The following GM2A variants were observed in gnomAD, a reference collection of about 807,000 sequenced individuals.
The protein encoded by GM2A is ganglioside GM2 activator.
A neutral mutation model predicts 12.9 loss-of-function variants in GM2A; 7 were observed. The ratio of observed to expected loss-of-function variants is 0.54; its 90% CI spans 0.31 to 1.02. The LOEUF (loss-of-function observed/expected upper bound fraction) is 1.02, where lower values mean the gene tolerates loss of function less well. GM2A is among the 50% of genes least tolerant of loss of function. GM2A has a pLI of 0.05. For missense variants in GM2A, 246 were observed against 241.0 expected, an observed-to-expected ratio of 1.02 and a Z score of -0.14; for synonymous variants, 101 against 96.0, an observed-to-expected ratio of 1.05 and a Z score of -0.30.
chr5:151,257,609 G>T (rs1257114699), intron 1 of GM2A, among the ~76,000 whole-genome samples: 2 of 152,098 alleles, frequency 1.3e-5, no homozygotes, highest in Non-Finnish European at 2.9e-5. Flanking sequence ...TCCTTCAGTG[G>T]GGTTCCACTG....
chr5:151,269,028 A>T lies in GM2A; in HGVS notation c.*1577A>T, dbSNP rs896722834. ...ACAAGGCTGCCTGCCTCAGTCTTGGAGTCCTGTTGGGTGAATGAGGCAGAT... is the reference window on the plus strand; with the variant it reads ...ACAAGGCTGCCTGCCTCAGTCTTGGTGTCCTGTTGGGTGAATGAGGCAGAT... On this transcript the variant is annotated 3_prime_UTR_variant, in exon 4 of 4. Coordinates refer to ENST00000357164, the MANE Select transcript of GM2A (RefSeq NM_000405.5). 1 of 985,354 alleles carries T rather than the reference A, an allele frequency of 1.0e-6. No homozygotes were observed. Among genetic ancestry groups the T allele is most frequent in the African/African-American group, 1.7e-5 (1 of 57,236 alleles). The allele number at this position is 985,354 out of a possible 1,614,324, so 61.0% of individuals were successfully genotyped here.
intron 2 of GM2A, among the ~76,000 whole-genome samples, chr5:151,262,169 A>C (rs1753810284): frequency 6.6e-6 from 1 of 152,236 alleles, no homozygotes; most frequent in Admixed American, 6.5e-5. Flanking sequence ...TTTCTTAGAA[A>C]ACAATGAAGA....
At chr5:151,266,002 C>T (rs563014348) in intron 2 of GM2A, among the ~76,000 whole-genome samples, 1 of 152,294 alleles carries the variant, frequency 6.6e-6, no homozygotes, top group African/African-American at 2.4e-5. Context: ...ATTTTGGTAA[C>T]CAGCTCATCA....
chr5:151,262,020 C>T (rs915502995), intron 2 of GM2A, among the ~76,000 whole-genome samples: 24 of 152,286 alleles, frequency 1.6e-4, no homozygotes, highest in South Asian at 8.3e-4. Context: ...CAAAGTGCCT[C>T]CCAATGTTTG....
intron 2 of GM2A, among the ~76,000 whole-genome samples, chr5:151,265,114 G>A (rs368066683): frequency 9.9e-5 from 15 of 152,136 alleles, no homozygotes; most frequent in African/African-American, 3.4e-4. Flanking sequence ...AGGCAGCGGG[G>A]TAGAAGCAGG....
chr5:151,267,277 T>C lies in GM2A; in HGVS notation c.427-19T>C. ...TCAGTAGGCTCCCACTGACTGGCGG[T>C]CCACTGGCTTTCCCGCAGGGAACCT... On this transcript the variant is annotated intron_variant, in intron 3 of 3. Coordinates refer to ENST00000357164, the MANE Select transcript of GM2A (RefSeq NM_000405.5). 7 of 1,614,132 alleles carry C rather than the reference T, an allele frequency of 4.3e-6. No homozygotes were observed. Among genetic ancestry groups the C allele is most frequent in the Non-Finnish European group, 5.9e-6 (7 of 1,179,990 alleles).
At chr5:151,253,387 C>G in intron 1 of GM2A, 90 bp downstream of exon 1, 1 of 873,100 alleles carries the variant, frequency 1.1e-6, no homozygotes, top group Non-Finnish European at 1.9e-6. Flanking sequence ...GGTGGCCACT[C>G]CGTTCTCTAG....
At chr5:151,262,267 C>T (rs1490950642) in intron 2 of GM2A, among the ~76,000 whole-genome samples, 2 of 152,170 alleles carry the variant, frequency 1.3e-5, no homozygotes, top group African/African-American at 4.8e-5. Flanking sequence ...TCCTCTATGC[C>T]CTTCAGTCTG....
chr5:151,268,120 G>A lies in GM2A; in HGVS notation c.*669G>A, dbSNP rs140405440. 1.1e-5 allele frequency: 11 copies of A among 986,210 alleles called. No individual in the cohort carries two copies. Among genetic ancestry groups the A allele is most frequent in the East Asian group, 2.3e-4 (2 of 8,792 alleles). The allele number at this position is 986,210 out of a possible 1,614,324, so 61.1% of individuals were successfully genotyped here. ...GAGACTTAAATGACTGATAAGAACC[G>A]TGAGAAACATGTTGCTTCCAGGCTT... On this transcript the variant is annotated 3_prime_UTR_variant, in exon 4 of 4. Coordinates refer to ENST00000357164, the MANE Select transcript of GM2A (RefSeq NM_000405.5).
At chr5:151,265,595 A>T (rs1422819390) in intron 2 of GM2A, among the ~76,000 whole-genome samples, 2 of 152,342 alleles carry the variant, frequency 1.3e-5, no homozygotes, top group East Asian at 1.9e-4. Context: ...GGTGATGGAC[A>T]TGGTTCTAAA....
intron 2 of GM2A, among the ~76,000 whole-genome samples, chr5:151,265,490 G>C (rs947831471): frequency 2.0e-5 from 3 of 152,200 alleles, no homozygotes; most frequent in Non-Finnish European, 1.5e-5. Context: ...CTAAAAATGT[G>C]ATTTCCTGCC....
At position 151,260,321 on chromosome 5, in the gene GM2A, AAAAT is replaced by A. The variant is rs573035465; in HGVS notation, c.243+413_243+416del. Reference sequence around the variant, plus strand: ...CACTTTAGAAAACACAAGTGGTCAAAAAATAAATAAAATAGGCCAGGTGTGGTGG... The same window carrying A: ...CACTTTAGAAAACACAAGTGGTCAAAAAATAAAATAGGCCAGGTGTGGTGG... On this transcript the variant is annotated intron_variant, in intron 2 of 3. Coordinates refer to ENST00000357164, the MANE Select transcript of GM2A (RefSeq NM_000405.5). Among the ~76,000 whole-genome samples the A allele has an allele frequency of 5.3e-5, 8 of 151,328 alleles. No individual in the cohort carries two copies. The South Asian group carries it at 1.0e-3, about 20-fold the overall frequency.
Position 151,253,239 on chromosome 5 carries a change from C to T in GM2A, c.23C>T (p.Pro8Leu), listed in dbSNP as rs1314350384. 1.9e-6 allele frequency: 3 copies of T among 1,613,938 alleles called. No homozygotes were observed. Among genetic ancestry groups the T allele is most frequent in the Non-Finnish European group, 2.5e-6 (3 of 1,179,936 alleles). The part of the protein sequence containing the change: MQSLMQA[P>L]LLIALGLLLA... Reference sequence around the variant, plus strand: ...CCGATGCAGTCCCTGATGCAGGCTCCCCTCCTGATCGCCCTGGGCTTGCTT... The same window carrying T: ...CCGATGCAGTCCCTGATGCAGGCTCTCCTCCTGATCGCCCTGGGCTTGCTT... Residue 8 changes from proline (P) to leucine (L), a missense_variant, in exon 1 of 4, where the codon CCC becomes CTC. Pro to Leu is a moderately conservative substitution (Grantham distance 98, BLOSUM62 -3). Coordinates refer to ENST00000357164, the MANE Select transcript of GM2A (RefSeq NM_000405.5).
chr5:151,266,960 T>C, intron 3 of GM2A, 47 bp downstream of exon 3: 1 of 1,455,978 alleles, frequency 6.9e-7, no homozygotes, highest in Middle Eastern at 1.7e-4. Context: ...GCTAAAGAGA[T>C]GGGGTTTGGA....
Position 151,268,032 on chromosome 5 carries a change from C to T in GM2A, c.*581C>T. On this transcript the variant is annotated 3_prime_UTR_variant, in exon 4 of 4. Coordinates refer to ENST00000357164, the MANE Select transcript of GM2A (RefSeq NM_000405.5). ...GGTAGGGTGTGTGGGGGAGGAATCCCTTGGGGGAGATATTAGGAGTGCTCT... is the reference window on the plus strand; with the variant it reads ...GGTAGGGTGTGTGGGGGAGGAATCCTTTGGGGGAGATATTAGGAGTGCTCT... 1 of 1,040,764 alleles carries T rather than the reference C, an allele frequency of 9.6e-7. No homozygotes were observed. Among genetic ancestry groups the T allele is most frequent in the Non-Finnish European group, 1.2e-6 (1 of 863,404 alleles). 64.5% of individuals were successfully genotyped at this position (1,040,764 alleles called of 1,614,324 possible).
chr5:151,260,745 A>G (rs1753781689), intron 2 of GM2A, among the ~76,000 whole-genome samples: 1 of 152,224 alleles, frequency 6.6e-6, no homozygotes, highest in African/African-American at 2.4e-5. Context: ...CATAACACAC[A>G]TATTTATTTT....
At chr5:151,264,835 A>T (rs894824431) in intron 2 of GM2A, among the ~76,000 whole-genome samples, 2 of 152,132 alleles carry the variant, frequency 1.3e-5, no homozygotes, top group Non-Finnish European at 2.9e-5. Flanking sequence ...CAAAAACATT[A>T]GCCAGGCGTG....
rs1753985243 is a variant in GM2A, at chr5:151,270,312, G to A, written c.*2861G>A. Reference sequence around the variant, plus strand: ...CCATATAAATACAGAAGGAAACGTGGTGGAAATATCCAGTGGCAACAAAAT... The same window carrying A: ...CCATATAAATACAGAAGGAAACGTGATGGAAATATCCAGTGGCAACAAAAT... On this transcript the variant is annotated 3_prime_UTR_variant, in exon 4 of 4. Transcript: ENST00000357164. 2.5e-6 allele frequency: 1 copy of A among 402,426 alleles called. No individual in the cohort carries two copies. The highest frequency in any genetic ancestry group is 3.6e-5 in the East Asian group (1 of 28,090). 24.9% of individuals were successfully genotyped at this position (402,426 alleles called of 1,614,324 possible).
intron 1 of GM2A, 95 bp downstream of exon 1, chr5:151,253,392 C>G: frequency 1.2e-6 from 1 of 841,860 alleles, no homozygotes; most frequent in Non-Finnish European, 2.0e-6. Context: ...CCACTCCGTT[C>G]TCTAGAATTG....
Sources: gnomAD v4.1 joint callset for allele counts (sites outside exome capture counted in the v4.1 genomes callset) on GRCh38, gnomAD v4.1.1 for gene constraint, MANE v1.5 for transcripts, NCBI Gene and HGNC (gene_info 2026-07-23, HGNC 2026-07-21) for gene names.